The following LRRC8B variants were observed in gnomAD, a reference collection of about 807,000 sequenced individuals.
LRRC8B encodes leucine rich repeat containing 8 VRAC subunit B.
A neutral mutation model predicts 58.8 loss-of-function variants in LRRC8B; 23 were observed. That is an observed-to-expected ratio of 0.39 (90% CI 0.28 to 0.55). The LOEUF is 0.55. Ranked by LOEUF, LRRC8B falls within the 20% of genes least tolerant of loss-of-function variation. The probability of loss-of-function intolerance (pLI) is 0.62; values close to 1 mark genes in which losing one functional copy is unlikely to be tolerated. For synonymous variants in LRRC8B, 359 were observed against 374.1 expected (o/e 0.96, Z 0.47); for missense variants, 694 against 936.0 (o/e 0.74, Z 3.37).
chr1:89,537,220 A>C (rs535025434), intron 1 of LRRC8B, among the ~76,000 whole-genome samples: 1 of 152,314 alleles, frequency 6.6e-6, no homozygotes, highest in East Asian at 1.9e-4. Context: ...TGCTATAAAT[A>C]GCCACTGCAT....
At chr1:89,568,715 T>G (rs572264842) in intron 3 of LRRC8B, among the ~76,000 whole-genome samples, 1 of 152,264 alleles carries the variant, frequency 6.6e-6, no homozygotes, top group African/African-American at 2.4e-5. Context: ...TTTTTGTGGA[T>G]TTTGTATGCA....
Position 89,583,331 on chromosome 1 carries a change from C to A in LRRC8B, c.681C>A (p.Asp227Glu), listed in dbSNP as rs1654383442. The change falls in exon 5 of 6, where the codon GAC (aspartate) becomes GAA (glutamate). Residue 227 changes from aspartate to glutamate, a missense_variant. This residue lies in a region of LRRC8B where 316 missense variants were observed against 403.8 expected (regional missense o/e 0.78). Coordinates refer to ENST00000330947, the MANE Select transcript of LRRC8B (RefSeq NM_001369817.2). This position sits in a 1 kb window ranked among gnomAD's most constrained non-coding sequence, Gnocchi z 5.2. ...AAAGCCCAACTTCCAGTGTCCTGGACAAGAAGGAGGGTGAACAGGCCAAAG... is the reference window on the plus strand; with the variant it reads ...AAAGCCCAACTTCCAGTGTCCTGGAAAAGAAGGAGGGTGAACAGGCCAAAG... Reference protein sequence around the residue: ...GIESPTSSVLDKKEGEQAKAI... With the variant: ...GIESPTSSVLEKKEGEQAKAI... The A allele has an allele frequency of 6.2e-7, 1 of 1,614,120 alleles. No homozygotes were observed. The highest frequency in any genetic ancestry group is 8.5e-7 in the Non-Finnish European group (1 of 1,180,014).
At chr1:89,527,504 G>T (rs981275323) in intron 1 of LRRC8B, among the ~76,000 whole-genome samples, 2 of 152,236 alleles carry the variant, frequency 1.3e-5, no homozygotes, top group Non-Finnish European at 2.9e-5. Flanking sequence ...AAACAGTTCA[G>T]ACCTGTGACC....
At chr1:89,543,704 C>T (rs1288033256) in intron 1 of LRRC8B, among the ~76,000 whole-genome samples, 1 of 150,960 alleles carries the variant, frequency 6.6e-6, no homozygotes, top group Non-Finnish European at 1.5e-5. Context: ...CCACATTGGT[C>T]AGGCTGGTCT....
intron 1 of LRRC8B, among the ~76,000 whole-genome samples, chr1:89,565,942 A>G (rs750508613): frequency 5.9e-5 from 9 of 152,150 alleles, no homozygotes; most frequent in Non-Finnish European, 1.3e-4. Flanking sequence ...CCAGTTTCTG[A>G]CCCGAAGGAA....
chr1:89,524,929 G>A lies in LRRC8B; in HGVS notation c.-334G>A, dbSNP rs1027220710. 1.3e-5 allele frequency: 2 copies of A among 152,226 alleles called. No homozygotes were observed. The highest frequency in any genetic ancestry group is 1.3e-4 in the Admixed American group (2 of 15,278). The allele number at this position is 152,226 out of a possible 1,614,324, so 9.4% of individuals were successfully genotyped here. A position where few individuals can be genotyped will look rare whatever the true frequency, so the allele number is the denominator to read the frequency against. ...CTGAGCCCGCAGCCTCCGGCAGCCG[G>A]GAAAGTGCGGGCGCGGGGCCGCAGC... On this transcript the variant is annotated 5_prime_UTR_variant, in exon 1 of 6. Coordinates refer to ENST00000330947, the MANE Select transcript of LRRC8B (RefSeq NM_001369817.2).
chr1:89,585,243 T>A (rs1654538806), intron 5 of LRRC8B, among the ~76,000 whole-genome samples: 1 of 152,228 alleles, frequency 6.6e-6, no homozygotes, highest in Non-Finnish European at 1.5e-5. Context: ...TCATAAATCC[T>A]TTTTGTGATG....
intron 3 of LRRC8B, among the ~76,000 whole-genome samples, chr1:89,574,633 C>T (rs1307959867): frequency 1.3e-5 from 2 of 151,958 alleles, no homozygotes; most frequent in Non-Finnish European, 2.9e-5. Flanking sequence ...CAAAGTATTT[C>T]AAGAAAGAGA....
chr1:89,534,796 T>G (rs1460158382), intron 1 of LRRC8B, among the ~76,000 whole-genome samples: 2 of 152,214 alleles, frequency 1.3e-5, no homozygotes, highest in African/African-American at 4.8e-5. Flanking sequence ...ATCTAGTGAT[T>G]TATCACAGAA....
intron 1 of LRRC8B, among the ~76,000 whole-genome samples, chr1:89,537,852 C>T (rs1242279566): frequency 6.6e-6 from 1 of 152,132 alleles, no homozygotes; most frequent in Non-Finnish European, 1.5e-5. Context: ...AATAGGGTAC[C>T]ATCTATAAGG....
At chr1:89,564,829 T>C (rs1218136505) in intron 1 of LRRC8B, among the ~76,000 whole-genome samples, 1 of 152,204 alleles carries the variant, frequency 6.6e-6, no homozygotes, top group African/African-American at 2.4e-5. Flanking sequence ...GCAGTGTTTG[T>C]TTTAAACATC....
intron 1 of LRRC8B, among the ~76,000 whole-genome samples, chr1:89,561,917 T>C (rs1264605498): frequency 6.6e-6 from 1 of 152,162 alleles, no homozygotes; most frequent in Non-Finnish European, 1.5e-5. Flanking sequence ...TATGTTTGTC[T>C]CCTTTTATAT....
At position 89,540,020 on chromosome 1, in the gene LRRC8B, A is replaced by C. The variant is rs189747279; in HGVS notation, c.-241+14998A>C. Among the ~76,000 whole-genome samples the C allele has an allele frequency of 1.6e-4, 24 of 152,318 alleles. No homozygotes were observed. The East Asian group carries it at 4.4e-3, about 28-fold the overall frequency. On this transcript the variant is annotated intron_variant, in intron 1 of 5. Coordinates refer to ENST00000330947, the MANE Select transcript of LRRC8B (RefSeq NM_001369817.2). ...AGAAATTTTCCATAAATTGTTTTTA[A>C]CCTTCTACATGCATGTCTATTATTT...
At chr1:89,581,866 C>T (rs2101057438) in intron 4 of LRRC8B, among the ~76,000 whole-genome samples, 1 of 152,286 alleles carries the variant, frequency 6.6e-6, no homozygotes, top group African/African-American at 2.4e-5. Context: ...ACTTAAATTA[C>T]AAAGCGAAAG....
In LRRC8B at chr1:89,583,252, C is replaced by G. The variant is rs776435972; in HGVS notation, c.602C>G (p.Ser201Cys). ...TCAGGGTGTTCAGCTGACATAGATT[C>G]CGGCAAACAGTCATTGCCCTACCCA... The part of the protein sequence containing the change: ...SSSGCSADID[S>C]GKQSLPYPQP... The change falls in exon 5 of 6, where the codon TCC becomes TGC. Residue 201 changes from serine (S) to cysteine (C), a missense_variant. Physicochemically the swap from Ser to Cys is moderately radical, Grantham distance 112. Coordinates refer to ENST00000330947, the MANE Select transcript of LRRC8B (RefSeq NM_001369817.2). The surrounding 1 kb of genome is among the most constrained non-coding windows in gnomAD (Gnocchi z 5.2). 2 of 1,614,158 alleles carry G rather than the reference C, an allele frequency of 1.2e-6. No individual in the cohort carries two copies. Among genetic ancestry groups the G allele is most frequent in the Non-Finnish European group, 1.7e-6 (2 of 1,180,026 alleles).
rs1557620630 is a variant in LRRC8B at position 89,583,064 on chromosome 1, T to G, written c.414T>G (p.Phe138Leu). The G allele has an allele frequency of 6.2e-7, 1 of 1,614,198 alleles. No homozygotes were observed. Among genetic ancestry groups the G allele is most frequent in the Non-Finnish European group, 8.5e-7 (1 of 1,180,032 alleles). The change falls in exon 5 of 6, where the codon TTT (phenylalanine) becomes TTG (leucine). Residue 138 changes from phenylalanine (F) to leucine (L), a missense_variant. This residue lies in a region of LRRC8B where 316 missense variants were observed against 403.8 expected (regional missense o/e 0.78). Coordinates refer to ENST00000330947, the MANE Select transcript of LRRC8B (RefSeq NM_001369817.2). The surrounding 1 kb of genome is among the most constrained non-coding windows in gnomAD (Gnocchi z 5.2). ...HTLIFAACSN[F>L]WLHYPSTSSR... ...TCATCTTTGCAGCCTGCAGCAACTTTTGGCTTCACTACCCCAGTACCAGTT... is the reference window on the plus strand; with the variant it reads ...TCATCTTTGCAGCCTGCAGCAACTTGTGGCTTCACTACCCCAGTACCAGTT...
intron 4 of LRRC8B, among the ~76,000 whole-genome samples, chr1:89,580,246 A>G (rs1451881118): frequency 1.3e-5 from 2 of 152,250 alleles, no homozygotes; most frequent in Non-Finnish European, 2.9e-5. Flanking sequence ...TAGAAACAAC[A>G]GCTCCTGGTT....
At chr1:89,571,456 C>T (rs1352355049) in intron 3 of LRRC8B, among the ~76,000 whole-genome samples, 2 of 151,962 alleles carry the variant, frequency 1.3e-5, no homozygotes, top group African/African-American at 2.4e-5. Context: ...TCTTTTTGTG[C>T]CAGTTGTAAA....
chr1:89,590,405 G>A lies in LRRC8B; in HGVS notation c.2140-2366G>A, dbSNP rs192582371. On this transcript the variant is annotated intron_variant, in intron 5 of 5. Coordinates refer to ENST00000330947, the MANE Select transcript of LRRC8B (RefSeq NM_001369817.2). ...CTTTAGAAAAATTGAATGAGAGTAG[G>A]TGAGGTAAGATCCTGTGCCTTAGCT... is the stretch of plus-strand genomic sequence containing the variant. 5.9e-5 allele frequency among the ~76,000 whole-genome samples: 9 copies of A among 152,302 alleles called. No homozygotes were observed. In the East Asian group the frequency reaches 1.5e-3, roughly 26 times the overall value.
Sources: allele counts gnomAD v4.1 joint callset (sites outside exome capture counted in the v4.1 genomes callset), GRCh38; gene constraint gnomAD v4.1.1; regional missense constraint gnomAD v4.1.1; non-coding constraint Gnocchi (gnomAD v3.1); transcripts MANE v1.5; gene names NCBI Gene and HGNC (gene_info 2026-07-23, HGNC 2026-07-21).